NINJ2: variants seen among roughly 807,000 people sequenced by gnomAD.
NINJ2 encodes the protein ninjurin 2.
Under a neutral mutation model 11.7 loss-of-function variants are expected in NINJ2, and 12 were observed. That is an observed-to-expected ratio of 1.02 (90% CI 0.66 to 1.66). NINJ2 has a LOEUF of 1.66. Ranked by LOEUF, NINJ2 falls within the 40% of genes most tolerant of loss-of-function variation. NINJ2 has a pLI of 0.00. For synonymous variants in NINJ2, 93 were observed against 76.8 expected (o/e 1.21, Z -1.10); for missense variants, 187 against 181.8 (o/e 1.03, Z -0.16).
chr12:638,541 A>G (rs1221417644), intron 1 of NINJ2, among the ~76,000 whole-genome samples: 2 of 152,192 alleles, frequency 1.3e-5, no homozygotes, highest in South Asian at 2.1e-4. Context: ...TCAGCCTCCC[A>G]AATGGCTGGG....
Position 614,533 on chromosome 12 carries a change from C to T in NINJ2, c.34-48355G>A, listed in dbSNP as rs753120034. 6.6e-6 allele frequency among the ~76,000 whole-genome samples: 1 copy of T among 152,158 alleles called. No homozygotes were observed. The highest frequency in any genetic ancestry group is 2.4e-5 in the African/African-American group (1 of 41,420). On this transcript the variant is annotated intron_variant, in intron 1 of 3. Coordinates refer to ENST00000305108, the MANE Select transcript of NINJ2 (RefSeq NM_016533.6). This position sits in a 1 kb window ranked among gnomAD's most constrained non-coding sequence, Gnocchi z 5.1. ...TGGCACTCTTCCCTCACAGTCCTGC[C>T]GGGCCTGGCTCCCTCCCTCTGTCTT...
chr12:632,288 G>A (rs943061021), intron 1 of NINJ2: 25 of 152,224 alleles, frequency 1.6e-4, no homozygotes, highest in African/African-American at 5.3e-4. Context: ...AAGCAGACAG[G>A]AAAACAAATC....
At chr12:619,468 A>G (rs1948129346) in intron 1 of NINJ2, among the ~76,000 whole-genome samples, 1 of 152,142 alleles carries the variant, frequency 6.6e-6, no homozygotes, top group Admixed American at 6.5e-5. Flanking sequence ...TGAACTGAGG[A>G]GAGAGGTGGG....
At chr12:590,374 G>A (rs915041703) in intron 1 of NINJ2, among the ~76,000 whole-genome samples, 47 of 152,206 alleles carry the variant, frequency 3.1e-4, no homozygotes, top group African/African-American at 1.1e-3. Flanking sequence ...TGGCAGGACT[G>A]GGTGAGCGAT....
chr12:569,180 G>A (rs1208497430), intron 1 of NINJ2, among the ~76,000 whole-genome samples: 1 of 152,216 alleles, frequency 6.6e-6, no homozygotes, highest in Non-Finnish European at 1.5e-5. Flanking sequence ...GGCGTTCAGG[G>A]CCTTTGGAAA....
At chr12:651,245 GTTC>G (rs1223098187) in intron 1 of NINJ2, among the ~76,000 whole-genome samples, 1 of 151,388 alleles carries the variant, frequency 6.6e-6, no homozygotes, top group Non-Finnish European at 1.5e-5. Context: ...CATTCTGTTG[GTTC>G]TTCTTAACAA....
intron 1 of NINJ2, chr12:610,301 C>A: frequency 6.8e-7 from 1 of 1,465,504 alleles, no homozygotes; most frequent in Non-Finnish European, 9.2e-7. Flanking sequence ...TGCCCAGCAC[C>A]CAGTGCTGAG....
rs531218476 is a variant in NINJ2, at chr12:630,514, G to A, written c.33+32814C>T. On this transcript the variant is annotated intron_variant, in intron 1 of 3. Coordinates refer to ENST00000305108, the MANE Select transcript of NINJ2 (RefSeq NM_016533.6). ...CTCAGCCTCCCGAGTAGCTGGGACT[G>A]CAGGCTCCGGCCACCACGCCTGGCT... is the stretch of plus-strand genomic sequence containing the variant. Among the ~76,000 whole-genome samples the A allele has an allele frequency of 4.5e-4, 69 of 152,048 alleles. 1 individual carries two copies. Among genetic ancestry groups the A allele is most frequent in the Admixed American group, 3.7e-3 (56 of 15,272 alleles).
Position 592,761 on chromosome 12 carries a change from A to T in NINJ2, c.34-26583T>A, listed in dbSNP as rs535707577. 2.0e-5 allele frequency among the ~76,000 whole-genome samples: 3 copies of T among 152,358 alleles called. No individual in the cohort carries two copies. The South Asian group carries it at 6.2e-4, about 32-fold the overall frequency. Reference sequence around the variant, plus strand: ...TTAGTTGTAAGAAGCAGAACATACTAAGGAATGTAGTCCAAGTCCAAGCTC... The same window carrying T: ...TTAGTTGTAAGAAGCAGAACATACTTAGGAATGTAGTCCAAGTCCAAGCTC... On this transcript the variant is annotated intron_variant, in intron 1 of 3. Transcript: ENST00000305108.
At chr12:590,475 C>T (rs1367114962) in intron 1 of NINJ2, among the ~76,000 whole-genome samples, 4 of 152,216 alleles carry the variant, frequency 2.6e-5, no homozygotes, top group African/African-American at 4.8e-5. Flanking sequence ...AGTCTAAAAA[C>T]GCACCCTCAG....
intron 1 of NINJ2, among the ~76,000 whole-genome samples, chr12:594,967 T>C (rs1250856973): frequency 6.6e-6 from 1 of 152,212 alleles, no homozygotes; most frequent in Non-Finnish European, 1.5e-5. Context: ...CACAGTGTGA[T>C]ATTATCAAAA....
At chr12:606,861 G>A (rs1277912697) in intron 1 of NINJ2, among the ~76,000 whole-genome samples, 1 of 152,206 alleles carries the variant, frequency 6.6e-6, no homozygotes, top group Non-Finnish European at 1.5e-5. Flanking sequence ...GAACAGAGGG[G>A]AAAGGAAGAA....
rs1458528838 is a variant in NINJ2 at position 614,841 on chromosome 12, C to T, written c.33+48487G>A. On this transcript the variant is annotated intron_variant, in intron 1 of 3. Coordinates refer to ENST00000305108, the MANE Select transcript of NINJ2 (RefSeq NM_016533.6). This position sits in a 1 kb window ranked among gnomAD's most constrained non-coding sequence, Gnocchi z 5.1. The stretch of plus-strand genomic sequence containing the variant: ...GACCATGTCTTCACACGTCGGGCAG[C>T]GTGCATTGTCAGCGCTCTATGAAAA... Among the ~76,000 whole-genome samples the T allele has an allele frequency of 2.6e-5, 4 of 152,040 alleles. No individual in the cohort carries two copies. The highest frequency in any genetic ancestry group is 6.5e-5 in the Admixed American group (1 of 15,270).
Position 614,685 on chromosome 12 carries a change from C to T in NINJ2, c.34-48507G>A, listed in dbSNP as rs910811100. Among the ~76,000 whole-genome samples the T allele has an allele frequency of 6.6e-6, 1 of 152,092 alleles. No individual in the cohort carries two copies. Among genetic ancestry groups the T allele is most frequent in the Non-Finnish European group, 1.5e-5 (1 of 68,024 alleles). On this transcript the variant is annotated intron_variant, in intron 1 of 3. Transcript: ENST00000305108. The surrounding 1 kb of genome is among the most constrained non-coding windows in gnomAD (Gnocchi z 5.1). The stretch of plus-strand genomic sequence containing the variant: ...ATCCAGAGAAGTCACTTAGTTAGCT[C>T]ATTTTTTTTTCCTCCAAAGAAGGGA...
At chr12:630,077 T>C (rs1323219927) in intron 1 of NINJ2, among the ~76,000 whole-genome samples, 1 of 151,160 alleles carries the variant, frequency 6.6e-6, no homozygotes, top group East Asian at 1.9e-4. Context: ...GCCCCTGCTG[T>C]CACCAAAGCC....
chr12:596,844 C>T (rs1947794183), intron 1 of NINJ2, among the ~76,000 whole-genome samples: 1 of 151,804 alleles, frequency 6.6e-6, no homozygotes, highest in Non-Finnish European at 1.5e-5. Flanking sequence ...ATCACTTGAG[C>T]CCAGGAAGTC....
intron 1 of NINJ2, among the ~76,000 whole-genome samples, chr12:587,633 C>G (rs928166048): frequency 6.6e-6 from 1 of 152,174 alleles, no homozygotes; most frequent in African/African-American, 2.4e-5. Flanking sequence ...TGACCACTCT[C>G]CATCTCACCC....
In NINJ2 at chr12:659,026, A is replaced by C. The variant is rs547199013; in HGVS notation, c.33+4302T>G. ...CATATATAGTTGCTATTCTCTCTAT[A>C]TATAACTGCTATTATATATTATATA... On this transcript the variant is annotated intron_variant, in intron 1 of 3. Coordinates refer to ENST00000305108, the MANE Select transcript of NINJ2 (RefSeq NM_016533.6). 2.0e-3 allele frequency among the ~76,000 whole-genome samples: 302 copies of C among 147,894 alleles called. 4 individuals carry two copies. The highest frequency in any genetic ancestry group is 6.8e-3 in the African/African-American group (276 of 40,650).
At position 631,076 on chromosome 12, in the gene NINJ2, CCT is replaced by C. The variant is rs1233571336; in HGVS notation, c.33+32250_33+32251del. The C allele has an allele frequency of 9.9e-5, 15 of 152,284 alleles. No homozygotes were observed. In the East Asian group the frequency reaches 1.2e-3, roughly 12 times the overall value. The allele number at this position is 152,284 out of a possible 1,614,324, so 9.4% of individuals were successfully genotyped here. ...GTGGGGAGTGGGCTCAGTAATGGCC[CCT>C]GTCACAGCCTCGGGCCGGGACTCGC... On this transcript the variant is annotated intron_variant, in intron 1 of 3. Coordinates refer to ENST00000305108, the MANE Select transcript of NINJ2 (RefSeq NM_016533.6).
Sources: allele counts gnomAD v4.1 joint callset (sites outside exome capture counted in the v4.1 genomes callset), GRCh38; gene constraint gnomAD v4.1.1; non-coding constraint Gnocchi (gnomAD v3.1); transcripts MANE v1.5; gene names NCBI Gene and HGNC (gene_info 2026-07-23, HGNC 2026-07-21).